Variants in MARCHF1 observed in about 807,000 individuals in gnomAD.
The protein encoded by MARCHF1 is E3 ubiquitin-protein ligase MARCHF1.
MARCHF1 carries 40 observed loss-of-function variants against 54.2 expected under a neutral mutation model. The ratio of observed to expected loss-of-function variants is 0.74; its 90% CI spans 0.57 to 0.96. The LOEUF is 0.96. Among genes scored for constraint, MARCHF1 ranks in the 40% least tolerant of loss-of-function variants. The pLI, the probability that MARCHF1 is intolerant of heterozygous loss-of-function variation, is 0.00. For synonymous variants in MARCHF1, 236 were observed against 236.3 expected (o/e 1.00, Z 0.01); for missense variants, 586 against 656.5 (o/e 0.89, Z 1.17).
intron 3 of MARCHF1, among the ~76,000 whole-genome samples, chr4:163,939,763 T>C (rs1751872909): frequency 6.6e-6 from 1 of 152,124 alleles, no homozygotes; most frequent in African/African-American, 2.4e-5. Flanking sequence ...ACATTTGTGG[T>C]TGGGGTTTTA....
chr4:163,540,383 T>TG (rs1738683804), intron 9 of MARCHF1, among the ~76,000 whole-genome samples: 1 of 152,144 alleles, frequency 6.6e-6, no homozygotes, highest in East Asian at 1.9e-4. Context: ...AGGGTGTGTG[T>TG]GGGTGGCTAT....
intron 1 of MARCHF1, among the ~76,000 whole-genome samples, chr4:164,370,491 C>T (rs1176635628): frequency 6.6e-6 from 1 of 152,228 alleles, no homozygotes; most frequent in African/African-American, 2.4e-5. Context: ...TAGTGTCTCA[C>T]ATTAGCCACA....
intron 4 of MARCHF1, among the ~76,000 whole-genome samples, chr4:163,825,148 T>A (rs1224256870): frequency 6.6e-6 from 1 of 152,006 alleles, no homozygotes; most frequent in East Asian, 1.9e-4. Context: ...GTTGCTCCTG[T>A]CTCTGTGTCC....
At chr4:164,242,889 T>C (rs1267737983) in intron 1 of MARCHF1, among the ~76,000 whole-genome samples, 4 of 144,940 alleles carry the variant, frequency 2.8e-5, no homozygotes, top group Non-Finnish European at 6.0e-5. Context: ...CAATGGAAGA[T>C]GAAATGAATG....
intron 3 of MARCHF1, among the ~76,000 whole-genome samples, chr4:163,952,190 T>C (rs1235328971): frequency 1.3e-5 from 2 of 152,190 alleles, no homozygotes; most frequent in African/African-American, 2.4e-5. Context: ...TAAATCAAAG[T>C]CGAACACTGT....
intron 1 of MARCHF1, among the ~76,000 whole-genome samples, chr4:164,175,399 T>A (rs997701629): frequency 1.2e-4 from 18 of 152,214 alleles, no homozygotes; most frequent in African/African-American, 4.1e-4. Context: ...TGAGGTCTTC[T>A]CAATACTATT....
intron 1 of MARCHF1, among the ~76,000 whole-genome samples, chr4:164,167,797 A>G (rs1446274055): frequency 1.3e-5 from 2 of 151,946 alleles, no homozygotes; most frequent in Non-Finnish European, 2.9e-5. Context: ...AGACATAAAT[A>G]TAAGACTGAA....
intron 5 of MARCHF1, among the ~76,000 whole-genome samples, chr4:163,666,230 CG>C (rs1561007258): frequency 1.3e-5 from 2 of 152,080 alleles, no homozygotes; most frequent in Non-Finnish European, 2.9e-5. Flanking sequence ...GATACTATCA[CG>C]TGGTTTGATA....
At chr4:163,945,246 T>C (rs1752000476) in intron 3 of MARCHF1, among the ~76,000 whole-genome samples, 1 of 152,206 alleles carries the variant, frequency 6.6e-6, no homozygotes, top group Non-Finnish European at 1.5e-5. Flanking sequence ...TATTTTTTTT[T>C]CTGGGGTTCT....
intron 4 of MARCHF1, among the ~76,000 whole-genome samples, chr4:163,708,168 CT>C (rs1405036543): frequency 6.6e-6 from 1 of 151,444 alleles, no homozygotes; most frequent in Non-Finnish European, 1.5e-5. Flanking sequence ...TCATTGTACT[CT>C]TTTGAAGACC....
intron 1 of MARCHF1, among the ~76,000 whole-genome samples, chr4:164,199,539 A>C (rs1383016171): frequency 6.6e-6 from 1 of 151,596 alleles, no homozygotes; most frequent in African/African-American, 2.4e-5. Context: ...GCTACTCGGG[A>C]GGCTGAGGCA....
chr4:164,190,164 G>C, intron 1 of MARCHF1: 1 of 1,562,400 alleles, frequency 6.4e-7, no homozygotes, highest in Non-Finnish European at 8.6e-7. Context: ...GGAAAAAGCT[G>C]TAGAAGAAAA....
intron 4 of MARCHF1, among the ~76,000 whole-genome samples, chr4:163,812,625 G>A (rs1471303834): frequency 6.6e-6 from 1 of 152,076 alleles, no homozygotes; most frequent in Non-Finnish European, 1.5e-5. Flanking sequence ...AGGCGTGGTG[G>A]TGCACACTTG....
At chr4:164,057,796 ATTTTTGTTCTGTTATG>A (rs1754528623) in intron 2 of MARCHF1, among the ~76,000 whole-genome samples, 1 of 152,134 alleles carries the variant, frequency 6.6e-6, no homozygotes, top group Non-Finnish European at 1.5e-5. Context: ...AGGCACCATA[ATTTTTGTTCTGTTATG>A]TATAGGCAAA....
At chr4:163,810,383 GTTTGTTTTTACC>G (rs1748350712) in intron 4 of MARCHF1, among the ~76,000 whole-genome samples, 1 of 152,088 alleles carries the variant, frequency 6.6e-6, no homozygotes, top group Admixed American at 6.6e-5. Context: ...TTCCCATGAT[GTTTGTTTTTACC>G]TTCTTTTACA....
At chr4:163,744,099 G>T (rs1293029628) in intron 4 of MARCHF1, among the ~76,000 whole-genome samples, 1 of 152,208 alleles carries the variant, frequency 6.6e-6, no homozygotes, top group Non-Finnish European at 1.5e-5. Context: ...ATTAGCAGGT[G>T]CTGGAGCAGT....
chr4:163,574,852 A>G (rs1048798207), intron 8 of MARCHF1, among the ~76,000 whole-genome samples: 1 of 151,516 alleles, frequency 6.6e-6, no homozygotes, highest in Non-Finnish European at 1.5e-5. Flanking sequence ...TTCTGTGAAG[A>G]AAGTCATTGG....
At chr4:163,821,537 C>T (rs1254699669) in intron 4 of MARCHF1, among the ~76,000 whole-genome samples, 2 of 151,776 alleles carry the variant, frequency 1.3e-5, no homozygotes, top group Non-Finnish European at 2.9e-5. Flanking sequence ...ATTAAAAAAT[C>T]CTATGAGATA....
chr4:163,717,702 G>T (rs1279084565), intron 4 of MARCHF1, among the ~76,000 whole-genome samples: 1 of 152,186 alleles, frequency 6.6e-6, no homozygotes, highest in African/African-American at 2.4e-5. Context: ...ACTGGTGTGA[G>T]ATGGTATCTC....
Sources: allele counts gnomAD v4.1 joint callset (sites outside exome capture counted in the v4.1 genomes callset), GRCh38; gene constraint gnomAD v4.1.1; transcripts MANE v1.5; gene names NCBI Gene and HGNC (gene_info 2026-07-23, HGNC 2026-07-21).